The following NUDT13 variants were observed in gnomAD, a reference collection of about 807,000 sequenced individuals.
NUDT13 encodes nudix hydrolase 13.
NUDT13 carries 40 observed loss-of-function variants against 41.7 expected under a neutral mutation model. The observed-to-expected ratio is 0.96, with a 90% CI of 0.75 to 1.25. NUDT13 has a LOEUF of 1.25. Ranked by LOEUF, NUDT13 falls within the 50% of genes most tolerant of loss-of-function variation. The pLI, the probability that NUDT13 is intolerant of heterozygous loss-of-function variation, is 0.00. For synonymous variants in NUDT13, 145 were observed against 155.5 expected, an observed-to-expected ratio of 0.93 and a Z score of 0.50; for missense variants, 390 against 416.1, an observed-to-expected ratio of 0.94 and a Z score of 0.55.
rs1373078070 is a variant in NUDT13 at position 73,125,506 on chromosome 10, A to G, written c.700A>G (p.Ile234Val). The change falls in exon 7 of 9, where the codon ATA becomes GTA. Residue 234 changes from isoleucine (I) to valine (V), a missense_variant. By Grantham distance (29) the Ile-to-Val change is conservative. Coordinates refer to ENST00000357321, the MANE Select transcript of NUDT13 (RefSeq NM_015901.6). ...TTCTGCCTTGGCAGGTTTTTGTGAT[A>G]TAGGTGAGGAGTTTAGGGGATATAC... ...MYSALAGFCDIGESVEETIRR... is the reference protein window; with the variant it reads ...MYSALAGFCDVGESVEETIRR... 1 of 1,583,306 alleles carries G rather than the reference A, an allele frequency of 6.3e-7. No individual in the cohort carries two copies. The highest frequency in any genetic ancestry group is 8.6e-7 in the Non-Finnish European group (1 of 1,163,138).
rs1842719139 is a variant in NUDT13, at chr10:73,124,242, A to G, written c.387A>G (p.Thr129=). ...CCTTACACAAACCTGAAATGGAGAC[A>G]GAGCTCAAGGGGTCTTTCATTGAGC... ...SASLHKPEME[T]ELKGSFIELR... The change falls in exon 5 of 9, where the codon ACA becomes ACG. Residue 129 remains threonine (T), a synonymous_variant. Transcript: ENST00000357321. 1.2e-6 allele frequency: 2 copies of G among 1,612,094 alleles called. No individual in the cohort carries two copies. Among genetic ancestry groups the G allele is most frequent in the South Asian group, 1.1e-5 (1 of 91,062 alleles).
chr10:73,128,202 G>A (rs910455895), intron 8 of NUDT13, among the ~76,000 whole-genome samples: 1 of 152,102 alleles, frequency 6.6e-6, no homozygotes, highest in Non-Finnish European at 1.5e-5. Context: ...AGTGAACATG[G>A]GAGTGCAGAT....
chr10:73,129,249 T>C (rs1343412816), intron 8 of NUDT13, among the ~76,000 whole-genome samples: 2 of 145,718 alleles, frequency 1.4e-5, no homozygotes, highest in Non-Finnish European at 3.0e-5. Context: ...CTCAGCTCAC[T>C]GCAACCTTCG....
rs1360749512 is a variant in NUDT13 at position 73,125,457 on chromosome 10, A to C, written c.651A>C (p.Gln217His). Reference protein sequence around the residue: ...SDGTRCLLARQSSFPKGMYSA... With the variant: ...SDGTRCLLARHSSFPKGMYSA... Reference sequence around the variant, plus strand: ...GGACCCGATGCCTGCTTGCCCGCCAAAGCTCCTTTCCCAAGGGAATGTATT... The same window carrying C: ...GGACCCGATGCCTGCTTGCCCGCCACAGCTCCTTTCCCAAGGGAATGTATT... The change falls in exon 7 of 9, where the codon CAA (glutamine) becomes CAC (histidine). Residue 217 changes from glutamine to histidine, a missense_variant. Transcript: ENST00000357321. 5 of 1,612,414 alleles carry C rather than the reference A, an allele frequency of 3.1e-6. No homozygotes were observed. In the African/African-American group the frequency reaches 6.7e-5, roughly 22 times the overall value.
At position 73,110,534 on chromosome 10, in the gene NUDT13, G is replaced by T. The variant is rs1238737310; in HGVS notation, c.-43G>T. ...AGTTTCCTCTTTTGTGCTGATTCCT[G>T]AGGACTAGGAAGGTGCCCCGAAAAG... is the stretch of plus-strand genomic sequence containing the variant. On this transcript the variant is annotated 5_prime_UTR_variant, in exon 1 of 9. Transcript: ENST00000357321. The T allele has an allele frequency of 1.3e-5, 2 of 152,336 alleles. No individual in the cohort carries two copies. Among genetic ancestry groups the T allele is most frequent in the East Asian group, 3.9e-4 (2 of 5,186 alleles). 9.4% of individuals were successfully genotyped at this position (152,336 alleles called of 1,614,324 possible). A position where few individuals can be genotyped will look rare whatever the true frequency, so the allele number is the denominator to read the frequency against.
At chr10:73,118,192 T>C (rs1464534814) in intron 2 of NUDT13, among the ~76,000 whole-genome samples, 1 of 152,242 alleles carries the variant, frequency 6.6e-6, no homozygotes, top group Non-Finnish European at 1.5e-5. Flanking sequence ...CCCAGGAGGC[T>C]ACAGTGACTC....
intron 5 of NUDT13, 108 bp from the exon 6 acceptor site, chr10:73,125,010 A>C: frequency 7.6e-7 from 1 of 1,317,126 alleles, no homozygotes; most frequent in Non-Finnish European, 1.0e-6. Context: ...TGAGCTGTAA[A>C]GAGATTGGCA....
intron 2 of NUDT13, among the ~76,000 whole-genome samples, chr10:73,118,896 T>C (rs1345763121): frequency 3.3e-5 from 5 of 151,550 alleles, no homozygotes; most frequent in African/African-American, 1.2e-4. Flanking sequence ...TGCCTGAACC[T>C]GGGAGGCAGA....
chr10:73,124,325 A>G lies in NUDT13; in HGVS notation c.465+5A>G, dbSNP rs1842721673. On this transcript the variant is annotated splice_donor_5th_base_variant and intron_variant, in intron 5 of 8. Coordinates refer to ENST00000357321, the MANE Select transcript of NUDT13 (RefSeq NM_015901.6). Reference sequence around the variant, plus strand: ...GATGCCTCCTTGCTGTCCACGGTAGATTCTGATTTCTCATTCTGTAGGAAA... The same window carrying G: ...GATGCCTCCTTGCTGTCCACGGTAGGTTCTGATTTCTCATTCTGTAGGAAA... The G allele has an allele frequency of 6.3e-7, 1 of 1,593,548 alleles. No homozygotes were observed. Among genetic ancestry groups the G allele is most frequent in the East Asian group, 2.2e-5 (1 of 44,750 alleles).
At chr10:73,112,704 T>C (rs1030654002) in intron 1 of NUDT13, among the ~76,000 whole-genome samples, 6 of 151,974 alleles carry the variant, frequency 3.9e-5, no homozygotes, top group Admixed American at 3.9e-4. Flanking sequence ...TTATGAACTA[T>C]AGTTACCATA....
At chr10:73,128,609 T>C (rs1307444631) in intron 8 of NUDT13, among the ~76,000 whole-genome samples, 2 of 152,210 alleles carry the variant, frequency 1.3e-5, no homozygotes, top group African/African-American at 4.8e-5. Flanking sequence ...TATTAAGTTG[T>C]AGAAGTTCCT....
Position 73,125,233 on chromosome 10 carries a change from A to G in NUDT13, c.581A>G (p.Tyr194Cys). 1.2e-6 allele frequency: 2 copies of G among 1,611,118 alleles called. No homozygotes were observed. Among genetic ancestry groups the G allele is most frequent in the East Asian group, 2.2e-5 (1 of 44,852 alleles). ...GTGTGCCCTTCCAATAATATAATCT[A>G]TTATCCACAGGTAATTATTGCTGTA... ...KRVCPSNNII[Y>C]YPQMAPVAIT... The change falls in exon 6 of 9, where the codon TAT becomes TGT. Residue 194 changes from tyrosine (Y) to cysteine (C), a missense_variant. Physicochemically the swap from Tyr to Cys is radical, Grantham distance 194. Coordinates refer to ENST00000357321, the MANE Select transcript of NUDT13 (RefSeq NM_015901.6).
chr10:73,119,429 A>C, intron 2 of NUDT13: 3 of 926,138 alleles, frequency 3.2e-6, no homozygotes, highest in Non-Finnish European at 3.9e-6. Flanking sequence ...TGAAGGTAAA[A>C]TTTGTTCTTT....
chr10:73,114,325 T>G, intron 1 of NUDT13, 32 bp from the exon 2 acceptor site: 1 of 1,174,356 alleles, frequency 8.5e-7, no homozygotes, highest in Non-Finnish European at 1.2e-6. Flanking sequence ...ATATTATGAC[T>G]TTTTTTAAAA....
chr10:73,113,874 G>A (rs1392802547), intron 1 of NUDT13, among the ~76,000 whole-genome samples: 2 of 152,122 alleles, frequency 1.3e-5, no homozygotes, highest in African/African-American at 4.8e-5. Flanking sequence ...TTTTTTTACT[G>A]CCAATGTGAG....
intron 5 of NUDT13, chr10:73,124,815 T>G: frequency 8.0e-6 from 2 of 249,148 alleles, no homozygotes; most frequent in Non-Finnish European, 1.5e-5. Context: ...GTACTGGGAA[T>G]GTTTTATTTT....
intron 7 of NUDT13, chr10:73,126,139 CCA>C (rs546956370): frequency 1.4e-4 from 40 of 276,172 alleles, no homozygotes; most frequent in African/African-American, 8.7e-4. Flanking sequence ...CACATTGACC[CCA>C]GATTCCTGTT....
chr10:73,124,228 C>A lies in NUDT13; in HGVS notation c.373C>A (p.Pro125Thr). ...SFSISASLHK[P>T]EMETELKGSF... ...TAATTTTCTAGCCTCCTTACACAAACCTGAAATGGAGACAGAGCTCAAGGG... is the reference window on the plus strand; with the variant it reads ...TAATTTTCTAGCCTCCTTACACAAAACTGAAATGGAGACAGAGCTCAAGGG... Residue 125 changes from proline to threonine, a missense_variant, in exon 5 of 9, where the codon CCT becomes ACT. Coordinates refer to ENST00000357321, the MANE Select transcript of NUDT13 (RefSeq NM_015901.6). 6.2e-7 allele frequency: 1 copy of A among 1,611,550 alleles called. No homozygotes were observed. The highest frequency in any genetic ancestry group is 8.5e-7 in the Non-Finnish European group (1 of 1,178,800).
intron 2 of NUDT13, among the ~76,000 whole-genome samples, chr10:73,115,436 A>C (rs1374930578): frequency 6.7e-6 from 1 of 149,574 alleles, no homozygotes; most frequent in Non-Finnish European, 1.5e-5. Context: ...GACCTCCCAA[A>C]GTGTTGGGAT....
Sources: gnomAD v4.1 joint callset for allele counts (sites outside exome capture counted in the v4.1 genomes callset) on GRCh38, gnomAD v4.1.1 for gene constraint, MANE v1.5 for transcripts, NCBI Gene and HGNC (gene_info 2026-07-23, HGNC 2026-07-21) for gene names.